ADGRG2: variants seen among roughly 807,000 people sequenced by gnomAD.
ADGRG2 encodes adhesion G protein-coupled receptor G2.
ADGRG2 carries 26 observed loss-of-function variants against 74.1 expected under a neutral mutation model. That is an observed-to-expected ratio of 0.35 (90% CI 0.26 to 0.49). The LOEUF (loss-of-function observed/expected upper bound fraction) is 0.49. Ranked by LOEUF, ADGRG2 falls within the 20% of genes least tolerant of loss-of-function variation. The pLI, the probability that ADGRG2 is intolerant of heterozygous loss-of-function variation, is 0.99. For missense variants in ADGRG2, 619 were observed against 763.1 expected, an observed-to-expected ratio of 0.81 and a Z score of 2.22; for synonymous variants, 296 against 295.2, an observed-to-expected ratio of 1.00 and a Z score of -0.03.
intron 11 of ADGRG2, 92 bp from the exon 12 acceptor site, chrX:19,024,040 T>G (rs2060648519): frequency 8.4e-6 from 5 of 593,912 alleles, no homozygotes; most frequent in Middle Eastern, 6.7e-4. Context: ...ATCAAGCACA[T>G]GGTATACATT....
At chrX:19,038,057 A>G (rs918989016) in intron 4 of ADGRG2, among the ~76,000 whole-genome samples, 4 of 112,151 alleles carry the variant, frequency 3.6e-5, no homozygotes, top group Non-Finnish European at 7.5e-5. Context: ...AAATCTTCCC[A>G]CAGTAAATTT....
At chrX:19,073,363 A>T (rs2061683955) in intron 2 of ADGRG2, among the ~76,000 whole-genome samples, 1 of 111,682 alleles carries the variant, frequency 9.0e-6, no homozygotes, top group South Asian at 3.8e-4. Context: ...ATTACAGAGA[A>T]AACTATTTGG....
At chrX:19,101,704 A>T (rs1021255345) in intron 1 of ADGRG2, among the ~76,000 whole-genome samples, 6 of 110,464 alleles carry the variant, frequency 5.4e-5, no homozygotes, top group African/African-American at 2.0e-4. Context: ...CAATCTCAAA[A>T]AAAAAAAGAA....
At chrX:19,078,631 T>A (rs1203267913) in intron 2 of ADGRG2, among the ~76,000 whole-genome samples, 1 of 110,703 alleles carries the variant, frequency 9.0e-6, no homozygotes, top group African/African-American at 3.3e-5. Flanking sequence ...ATAAAACACA[T>A]AGGATACAGC....
intron 15 of ADGRG2, 89 bp from the exon 16 acceptor site, chrX:19,014,163 G>T: frequency 1.4e-6 from 1 of 731,316 alleles, no homozygotes; most frequent in Non-Finnish European, 2.0e-6. Context: ...ATCTGACACC[G>T]TCAAGTTGAC....
chrX:19,075,247 G>GAA (rs202006973), intron 2 of ADGRG2, among the ~76,000 whole-genome samples: 1 of 95,241 alleles, frequency 1.0e-5, no homozygotes, highest in African/African-American at 3.8e-5. Context: ...TAGTGAAAAT[G>GAA]AAAAAAAAAA....
Position 18,990,962 on chromosome X carries a change from T to C in ADGRG2, c.2956A>G (p.Met986Val), listed in dbSNP as rs2059912732. Residue 986 changes from methionine to valine, a missense_variant, in exon 29 of 29, where the codon ATG becomes GTG. Transcript: ENST00000379869. ...CLHDFTGKQH[M>V]FNEKEDSCNG... The stretch of plus-strand genomic sequence containing the variant: ...CAGGAATCTTCCTTCTCGTTAAACA[T>C]GTGCTGTTTTCCAGTGAAATCGTGA... 1.7e-6 allele frequency: 2 copies of C among 1,200,658 alleles called. No individual in the cohort carries two copies. Among genetic ancestry groups the C allele is most frequent in the Non-Finnish European group, 2.3e-6 (2 of 885,523 alleles).
At chrX:19,095,210 G>T (rs1382093108) in intron 1 of ADGRG2, among the ~76,000 whole-genome samples, 1 of 111,788 alleles carries the variant, frequency 8.9e-6, no homozygotes, top group Non-Finnish European at 1.9e-5. Flanking sequence ...GTTCCAAGTG[G>T]TGTGGGAGTA....
intron 1 of ADGRG2, among the ~76,000 whole-genome samples, chrX:19,093,902 T>TACAC (rs61296210): frequency 0.029 from 2,890 of 100,141 alleles, 88 homozygotes; most frequent in African/African-American, 0.085. Context: ...TATGTAGGTA[T>TACAC]ACACACACAC....
chrX:19,078,284 T>C (rs1248159117), intron 2 of ADGRG2, among the ~76,000 whole-genome samples: 1 of 112,213 alleles, frequency 8.9e-6, no homozygotes, highest in Non-Finnish European at 1.9e-5. Flanking sequence ...GCGTGGTGGC[T>C]CACACCTGTA....
chrX:19,019,056 G>A (rs371379127), intron 15 of ADGRG2, among the ~76,000 whole-genome samples: 68 of 111,329 alleles, frequency 6.1e-4, no homozygotes, highest in Admixed American at 1.5e-3. Flanking sequence ...CGTGTTAGCC[G>A]GGATGGTCTC....
At chrX:19,110,724 A>G (rs1027707878) in intron 1 of ADGRG2, among the ~76,000 whole-genome samples, 3 of 110,412 alleles carry the variant, frequency 2.7e-5, no homozygotes, top group Admixed American at 9.7e-5. Flanking sequence ...AAAAACAAAA[A>G]AACAGAAGAT....
At chrX:19,093,939 C>A (rs7878568) in intron 1 of ADGRG2, among the ~76,000 whole-genome samples, 2 of 103,530 alleles carry the variant, frequency 1.9e-5, no homozygotes, top group Admixed American at 1.0e-4. Flanking sequence ...ACACACACAC[C>A]CCATGGAATA....
chrX:19,117,272 C>A (rs1271074148), intron 1 of ADGRG2, among the ~76,000 whole-genome samples: 4 of 100,482 alleles, frequency 4.0e-5, no homozygotes, highest in Non-Finnish European at 8.0e-5. Context: ...CCAGCCTGGG[C>A]AACAGAGTGA....
chrX:19,121,933 C>T (rs909152715), intron 1 of ADGRG2, among the ~76,000 whole-genome samples: 1 of 111,922 alleles, frequency 8.9e-6, no homozygotes, highest in African/African-American at 3.2e-5. Flanking sequence ...CCGCTCCGTC[C>T]CTCGGTGCCC....
chrX:19,010,055 C>T (rs922453500), intron 17 of ADGRG2, among the ~76,000 whole-genome samples: 11 of 110,153 alleles, frequency 1.0e-4, no homozygotes, highest in Non-Finnish European at 5.7e-5. Flanking sequence ...GTGATCCACA[C>T]GCCTCGGCCT....
intron 3 of ADGRG2, among the ~76,000 whole-genome samples, chrX:19,053,861 G>A (rs1368446738): frequency 9.0e-6 from 1 of 111,542 alleles, no homozygotes; most frequent in Non-Finnish European, 1.9e-5. Flanking sequence ...GCAAAGGGAT[G>A]TCTTATATGG....
At chrX:19,000,022 C>A (rs950935333) in intron 24 of ADGRG2, 62 bp from the exon 25 acceptor site, 3 of 562,010 alleles carry the variant, frequency 5.3e-6, no homozygotes, top group South Asian at 5.3e-5. Flanking sequence ...GAGACGGATT[C>A]TTGCTCTGTC....
intron 2 of ADGRG2, among the ~76,000 whole-genome samples, 182 bp from the exon 3 acceptor site, chrX:19,069,017 T>C (rs948518593): frequency 8.9e-6 from 1 of 111,980 alleles, no homozygotes; most frequent in Non-Finnish European, 1.9e-5. Context: ...CCATGTTTAT[T>C]ATGGGAGGGT....
Sources: allele counts gnomAD v4.1 joint callset (sites outside exome capture counted in the v4.1 genomes callset), GRCh38; gene constraint gnomAD v4.1.1; transcripts MANE v1.5; gene names NCBI Gene and HGNC (gene_info 2026-07-23, HGNC 2026-07-21).